KCNH8: variants seen among roughly 807,000 people sequenced by gnomAD.
The protein encoded by KCNH8 is potassium voltage-gated channel subfamily H member 8, also known as voltage-gated delayed rectifier potassium channel KCNH8.
Under a neutral mutation model 103.6 loss-of-function variants are expected in KCNH8, and 70 were observed. The observed-to-expected ratio is 0.68, with a 90% CI of 0.56 to 0.82. KCNH8 has a LOEUF of 0.82. Ranked by LOEUF, KCNH8 falls within the 40% of genes least tolerant of loss-of-function variation. KCNH8 has a pLI of 0.00. For missense variants in KCNH8, 1,217 were observed against 1,329.9 expected, an observed-to-expected ratio of 0.92 and a Z score of 1.32; for synonymous variants, 498 against 489.4, an observed-to-expected ratio of 1.02 and a Z score of -0.23.
chr3:19,156,012 T>G lies in KCNH8; in HGVS notation c.76+7217T>G, dbSNP rs550199170. Among the ~76,000 whole-genome samples the G allele has an allele frequency of 3.9e-5, 6 of 152,346 alleles. No individual in the cohort carries two copies. In the South Asian group the frequency reaches 1.2e-3, roughly 32 times the overall value. On this transcript the variant is annotated intron_variant, in intron 1 of 15. Transcript: ENST00000328405. Reference sequence around the variant, plus strand: ...GGCCAGGGCTGAGTATTAATTATATTTATCTCCCTTTAGTGGTACCTGGTG... The same window carrying G: ...GGCCAGGGCTGAGTATTAATTATATGTATCTCCCTTTAGTGGTACCTGGTG...
At chr3:19,159,615 A>G (rs1313020164) in intron 1 of KCNH8, among the ~76,000 whole-genome samples, 1 of 152,122 alleles carries the variant, frequency 6.6e-6, no homozygotes, top group Non-Finnish European at 1.5e-5. Context: ...CTTGTCTAAT[A>G]GTGTCTCAAA....
At chr3:19,490,700 C>A (rs974574678) in intron 11 of KCNH8, among the ~76,000 whole-genome samples, 8 of 152,146 alleles carry the variant, frequency 5.3e-5, no homozygotes, top group African/African-American at 1.2e-4. Context: ...GTCTCCCCCC[C>A]TTAAAGTGAG....
chr3:19,464,769 C>T (rs1389200666), intron 11 of KCNH8, among the ~76,000 whole-genome samples: 7 of 152,016 alleles, frequency 4.6e-5, no homozygotes, highest in Non-Finnish European at 1.0e-4. Context: ...TGCCATTATC[C>T]AAATGGCATA....
At chr3:19,353,264 T>C (rs997280731) in intron 5 of KCNH8, among the ~76,000 whole-genome samples, 2 of 151,962 alleles carry the variant, frequency 1.3e-5, no homozygotes, top group African/African-American at 4.8e-5. Flanking sequence ...CCAAAAAAAG[T>C]CCAGGACAGA....
chr3:19,258,497 G>A lies in KCNH8; in HGVS notation c.310+4610G>A, dbSNP rs2064375288. Among the ~76,000 whole-genome samples the A allele has an allele frequency of 2.0e-5, 3 of 151,974 alleles. No individual in the cohort carries two copies. In the South Asian group the frequency reaches 6.2e-4, roughly 31 times the overall value. ...GATCTTGCAATTGAAGAATTGTCCA[G>A]TTTCTTGCATGACTTTCTAATGCCC... On this transcript the variant is annotated intron_variant, in intron 2 of 15. Transcript: ENST00000328405.
At chr3:19,372,222 T>C (rs1419796160) in intron 5 of KCNH8, among the ~76,000 whole-genome samples, 2 of 152,126 alleles carry the variant, frequency 1.3e-5, no homozygotes, top group Non-Finnish European at 2.9e-5. Context: ...ATTTTCACGA[T>C]ATTGATTCTT....
chr3:19,285,026 A>C (rs2064812476), intron 3 of KCNH8, among the ~76,000 whole-genome samples: 1 of 151,870 alleles, frequency 6.6e-6, no homozygotes, highest in African/African-American at 2.4e-5. Flanking sequence ...ATTAAGAAAA[A>C]CATTCACAGG....
chr3:19,498,637 T>A (rs1299342265), intron 11 of KCNH8, among the ~76,000 whole-genome samples: 1 of 152,216 alleles, frequency 6.6e-6, no homozygotes, highest in Admixed American at 6.5e-5. Flanking sequence ...CTGCGTTCCT[T>A]TGGAGGACGA....
intron 1 of KCNH8, among the ~76,000 whole-genome samples, chr3:19,251,724 A>T (rs537347250): frequency 1.2e-3 from 180 of 152,142 alleles, no homozygotes; most frequent in African/African-American, 4.2e-3. Flanking sequence ...GCAATATATA[A>T]AGCATGTGGG....
At chr3:19,178,536 A>T (rs2063421920) in intron 1 of KCNH8, among the ~76,000 whole-genome samples, 1 of 152,188 alleles carries the variant, frequency 6.6e-6, no homozygotes, top group South Asian at 2.1e-4. Flanking sequence ...CCTAGCAGCA[A>T]AGAATATGAG....
At chr3:19,248,218 A>G (rs1429614292) in intron 1 of KCNH8, among the ~76,000 whole-genome samples, 1 of 152,186 alleles carries the variant, frequency 6.6e-6, no homozygotes, top group Non-Finnish European at 1.5e-5. Context: ...GGCCAGTAGA[A>G]GGATATTTCA....
intron 10 of KCNH8, among the ~76,000 whole-genome samples, chr3:19,454,936 T>C (rs1467480636): frequency 6.6e-6 from 1 of 152,168 alleles, no homozygotes; most frequent in Non-Finnish European, 1.5e-5. Flanking sequence ...AGATTGATTA[T>C]TTTACTTTCC....
chr3:19,264,673 A>C (rs7639506), intron 2 of KCNH8, among the ~76,000 whole-genome samples: 13,682 of 152,116 alleles, frequency 0.09, 1,981 homozygotes, highest in African/African-American at 0.3. Context: ...AGCCTTAGCA[A>C]CTACCTGACT....
intron 3 of KCNH8, among the ~76,000 whole-genome samples, chr3:19,322,267 A>G (rs1017108003): frequency 3.3e-5 from 5 of 151,146 alleles, no homozygotes; most frequent in Non-Finnish European, 7.4e-5. Context: ...TCATTCTGTT[A>G]TTGTTTTATA....
In KCNH8 at chr3:19,374,965, C is replaced by T. The variant is rs573350714; in HGVS notation, c.812-15516C>T. On this transcript the variant is annotated intron_variant, in intron 5 of 15. Coordinates refer to ENST00000328405, the MANE Select transcript of KCNH8 (RefSeq NM_144633.3). The stretch of plus-strand genomic sequence containing the variant: ...CTCTTCTGGCTTGTAGGGTTTCTGC[C>T]GAGAGATCCGCTGTTAGTCTGATGG... Among the ~76,000 whole-genome samples, 67 of 152,000 alleles carry T rather than the reference C, an allele frequency of 4.4e-4. No homozygotes were observed. In the East Asian group the frequency reaches 0.011, roughly 25 times the overall value.
At chr3:19,250,853 C>A (rs1389239524) in intron 1 of KCNH8, among the ~76,000 whole-genome samples, 1 of 152,108 alleles carries the variant, frequency 6.6e-6, no homozygotes, top group Admixed American at 6.6e-5. Context: ...TCTTTAAATA[C>A]CTCCTGTCAC....
chr3:19,190,174 G>T (rs1016423485), intron 1 of KCNH8, among the ~76,000 whole-genome samples: 1 of 151,980 alleles, frequency 6.6e-6, no homozygotes, highest in African/African-American at 2.4e-5. Context: ...GTTTTCCATT[G>T]CTTCAAGAAA....
intron 15 of KCNH8, among the ~76,000 whole-genome samples, chr3:19,532,201 C>A (rs149863304): frequency 2.6e-5 from 4 of 152,266 alleles, no homozygotes; most frequent in Admixed American, 6.5e-5. Context: ...AATGAAGACT[C>A]TTCAATGGTT....
chr3:19,413,625 T>C (rs1356408332), intron 7 of KCNH8, among the ~76,000 whole-genome samples: 1 of 151,736 alleles, frequency 6.6e-6, no homozygotes, highest in Non-Finnish European at 1.5e-5. Context: ...AACGAGAAAA[T>C]AGCCATTGAC....
Sources: allele counts gnomAD v4.1 joint callset (sites outside exome capture counted in the v4.1 genomes callset), GRCh38; gene constraint gnomAD v4.1.1; transcripts MANE v1.5; gene names NCBI Gene and HGNC (gene_info 2026-07-23, HGNC 2026-07-21).